The following KIAA2012 variants were observed in gnomAD, a reference collection of about 807,000 sequenced individuals.
KIAA2012 encodes uncharacterized protein KIAA2012.
A neutral mutation model predicts 150.6 loss-of-function variants in KIAA2012; 125 were observed. That is an observed-to-expected ratio of 0.83 (90% CI 0.72 to 0.96). The LOEUF is 0.96. Among genes scored for constraint, KIAA2012 ranks in the 40% least tolerant of loss-of-function variants. The pLI is 0.00. For synonymous variants in KIAA2012, 462 were observed against 504.7 expected (o/e 0.92, Z 1.13); for missense variants, 1,219 against 1,354.9 (o/e 0.90, Z 1.57).
At chr2:202,182,845 T>C (rs1692149858) in intron 15 of KIAA2012, among the ~76,000 whole-genome samples, 2 of 152,238 alleles carry the variant, frequency 1.3e-5, no homozygotes, top group Non-Finnish European at 2.9e-5. Context: ...AGTCAGTCTT[T>C]AATTTTAGTC....
chr2:202,158,592 C>A (rs1444697846), intron 14 of KIAA2012, among the ~76,000 whole-genome samples: 2 of 151,670 alleles, frequency 1.3e-5, no homozygotes, highest in Non-Finnish European at 2.9e-5. Flanking sequence ...AAACTCCTGA[C>A]CTCAGGTGAT....
intron 2 of KIAA2012, among the ~76,000 whole-genome samples, chr2:202,079,484 G>A (rs1574999082): frequency 6.6e-6 from 1 of 152,122 alleles, no homozygotes; most frequent in Admixed American, 6.5e-5. Context: ...ACAGGCTGTC[G>A]CAGAAAGGTG....
chr2:202,118,038 G>A (rs1340660604), intron 11 of KIAA2012, among the ~76,000 whole-genome samples: 2 of 146,500 alleles, frequency 1.4e-5, no homozygotes, highest in Non-Finnish European at 3.0e-5. Flanking sequence ...TCTCGGTGGA[G>A]CAGTTCTTGT....
intron 12 of KIAA2012, among the ~76,000 whole-genome samples, chr2:202,126,200 ACCTCAGCCTCCCAAAGTACTGGG>A (rs1235362139): frequency 2.2e-4 from 33 of 151,566 alleles, no homozygotes; most frequent in African/African-American, 7.8e-4. Flanking sequence ...TAATCTGCCC[ACCTCAGCCTCCCAAAGTACTGGG>A]ATTACAGGCA....
At chr2:202,084,090 A>G (rs1272683167) in intron 2 of KIAA2012, among the ~76,000 whole-genome samples, 3 of 152,028 alleles carry the variant, frequency 2.0e-5, no homozygotes, top group Non-Finnish European at 4.4e-5. Flanking sequence ...TACCTGGGGA[A>G]GTGGGTGGGG....
At chr2:202,097,349 AAGCAAGAAGGGAGGCAGTTTGGAGGC>A in intron 4 of KIAA2012, 60 bp from the exon 5 acceptor site, 1 of 1,522,400 alleles carries the variant, frequency 6.6e-7, no homozygotes, top group Non-Finnish European at 8.8e-7. Context: ...TTACTCAGAG[AAGCAAGAAGGGAGGCAGTTTGGAGGC>A]AGCAAGAACA....
intron 15 of KIAA2012, among the ~76,000 whole-genome samples, chr2:202,173,149 C>G (rs1691927558): frequency 6.6e-6 from 1 of 152,208 alleles, no homozygotes; most frequent in Non-Finnish European, 1.5e-5. Context: ...TCCCAGAGAA[C>G]AGCAGTCGTC....
At chr2:202,172,675 G>C (rs1691918923) in intron 15 of KIAA2012, among the ~76,000 whole-genome samples, 1 of 152,236 alleles carries the variant, frequency 6.6e-6, no homozygotes, top group Admixed American at 6.5e-5. Context: ...TCCAGAAGGA[G>C]CAAGTGTAAT....
At chr2:202,114,298 C>T (rs1185091342) in intron 11 of KIAA2012, 1 of 164,692 alleles carries the variant, frequency 6.1e-6, no homozygotes, top group Non-Finnish European at 1.5e-5. Flanking sequence ...CATCTTGTGT[C>T]CGCTGCTATT....
At chr2:202,075,889 A>T (rs1689313599) in intron 2 of KIAA2012, among the ~76,000 whole-genome samples, 2 of 152,260 alleles carry the variant, frequency 1.3e-5, no homozygotes, top group Non-Finnish European at 2.9e-5. Context: ...AAATAAAGTC[A>T]TTAGCTTCTT....
intron 14 of KIAA2012, among the ~76,000 whole-genome samples, chr2:202,157,944 C>T (rs1372621805): frequency 6.6e-6 from 1 of 152,130 alleles, no homozygotes; most frequent in Non-Finnish European, 1.5e-5. Context: ...CACTCAAGTT[C>T]TGTGGAGACA....
intron 15 of KIAA2012, among the ~76,000 whole-genome samples, chr2:202,176,232 C>T (rs35799550): frequency 0.1 from 15,077 of 150,558 alleles, 976 homozygotes; most frequent in Non-Finnish European, 0.13. Flanking sequence ...CGGAGTCTCG[C>T]TCTATTGCCC....
intron 7 of KIAA2012, among the ~76,000 whole-genome samples, chr2:202,102,080 A>G (rs531775384): frequency 6.6e-6 from 1 of 152,258 alleles, no homozygotes; most frequent in East Asian, 1.9e-4. Flanking sequence ...ATATGTTAAA[A>G]GTTGCAAACT....
intron 12 of KIAA2012, among the ~76,000 whole-genome samples, chr2:202,128,533 A>G (rs779917573): frequency 6.6e-6 from 1 of 151,850 alleles, no homozygotes. Flanking sequence ...TGGCATCTCA[A>G]AGTGCTGGGA....
rs558055060 is a variant in KIAA2012 at position 202,076,726 on chromosome 2, A to G, written c.369+1551A>G. The stretch of plus-strand genomic sequence containing the variant: ...CCAGAATTCAAATCCAGGACTGCCT[A>G]CCTCACCAGGGCCTGCATACTTTGC... On this transcript the variant is annotated intron_variant, in intron 2 of 23. Coordinates refer to ENST00000498697, the MANE Select transcript of KIAA2012 (RefSeq NM_001277372.4). Among the ~76,000 whole-genome samples the G allele has an allele frequency of 1.1e-4, 16 of 152,220 alleles. No individual in the cohort carries two copies. The East Asian group carries it at 1.4e-3, about 13-fold the overall frequency.
intron 19 of KIAA2012, among the ~76,000 whole-genome samples, chr2:202,190,760 T>C (rs950959829): frequency 6.6e-6 from 1 of 151,962 alleles, no homozygotes; most frequent in Admixed American, 6.6e-5. Flanking sequence ...CTTTAAAGAA[T>C]AGGAAATGAT....
intron 23 of KIAA2012, among the ~76,000 whole-genome samples, chr2:202,203,772 C>CT (rs34967234): frequency 0.27 from 39,132 of 143,950 alleles, 5,960 homozygotes; most frequent in Non-Finnish European, 0.35. Context: ...ACCAGGATGT[C>CT]TTTTTTTTTT....
At chr2:202,184,365 C>T (rs951774423) in intron 15 of KIAA2012, among the ~76,000 whole-genome samples, 2 of 137,060 alleles carry the variant, frequency 1.5e-5, no homozygotes, top group African/African-American at 5.6e-5. Flanking sequence ...GCCTGGTCAA[C>T]AGAGCAAGAC....
intron 13 of KIAA2012, among the ~76,000 whole-genome samples, chr2:202,146,487 C>G (rs950209729): frequency 2.6e-5 from 4 of 152,076 alleles, no homozygotes; most frequent in Non-Finnish European, 5.9e-5. Context: ...AAAAAATTAG[C>G]CAGGTGTGGT....
Sources: allele counts gnomAD v4.1 joint callset (sites outside exome capture counted in the v4.1 genomes callset), GRCh38; gene constraint gnomAD v4.1.1; transcripts MANE v1.5; gene names NCBI Gene and HGNC (gene_info 2026-07-23, HGNC 2026-07-21).